Variants in POLN observed in about 807,000 individuals in gnomAD.
The protein encoded by POLN is DNA polymerase nu.
POLN carries 108 observed loss-of-function variants against 113.5 expected under a neutral mutation model. The observed-to-expected ratio is 0.95, with a 90% confidence interval of 0.81 to 1.12. The LOEUF (loss-of-function observed/expected upper bound fraction) is 1.12, where lower values mean the gene tolerates loss of function less well. Among genes scored for constraint, POLN ranks in the 50% most tolerant of loss-of-function variants. The pLI is 0.00. For missense variants in POLN, 1,097 were observed against 1,077.1 expected (o/e 1.02, Z -0.26); for synonymous variants, 386 against 391.5 (o/e 0.99, Z 0.17).
rs1487858922 is a variant in POLN, at chr4:2,129,259, G to A, written c.1790-3C>T. The A allele has an allele frequency of 6.4e-7, 1 of 1,574,602 alleles. No individual in the cohort carries two copies. Among genetic ancestry groups the A allele is most frequent in the African/African-American group, 1.4e-5 (1 of 73,910 alleles). ...CGTGAGAATCTTGTCTTCTTTACCTGAATTGTTATTTCAAGAGCATTTAGT... is the reference window on the plus strand; with the variant it reads ...CGTGAGAATCTTGTCTTCTTTACCTAAATTGTTATTTCAAGAGCATTTAGT... On this transcript the variant is annotated splice_region_variant and splice_polypyrimidine_tract_variant and intron_variant, in intron 17 of 25. Transcript: ENST00000511885.
intron 16 of POLN, among the ~76,000 whole-genome samples, chr4:2,142,323 C>CA (rs1732022832): frequency 6.6e-6 from 1 of 152,246 alleles, no homozygotes; most frequent in South Asian, 2.1e-4. Context: ...CCCTACTGGG[C>CA]AGGCAGTCTC....
At chr4:2,241,194 A>C (rs7694049) in intron 2 of POLN, 73,946 of 393,148 alleles carry the variant, frequency 0.19, 11,555 homozygotes, top group African/African-American at 0.54. Context: ...AGCGGGATAA[A>C]TGACAGGTAG....
intron 21 of POLN, among the ~76,000 whole-genome samples, chr4:2,085,341 G>C (rs945660074): frequency 1.3e-5 from 2 of 152,158 alleles, no homozygotes; most frequent in African/African-American, 4.8e-5. Context: ...TCCCTTTCCA[G>C]GTGCAGGCTT....
intron 6 of POLN, 90 bp downstream of exon 6, chr4:2,198,434 A>C (rs1733631859): frequency 8.4e-7 from 1 of 1,191,726 alleles, no homozygotes; most frequent in Non-Finnish European, 1.1e-6. Context: ...CTAAAAGTTT[A>C]AACTATTAAA....
At chr4:2,097,806 C>T (rs1013679205) in intron 19 of POLN, among the ~76,000 whole-genome samples, 2 of 152,328 alleles carry the variant, frequency 1.3e-5, no homozygotes, top group Admixed American at 6.5e-5. Flanking sequence ...CACCATACCC[C>T]ACCTGCCTTT....
intron 2 of POLN, chr4:2,238,685 A>G: frequency 6.2e-7 from 1 of 1,613,216 alleles, no homozygotes; most frequent in Non-Finnish European, 8.5e-7. Flanking sequence ...TAACATTTCT[A>G]ATTGCTTGTA....
chr4:2,211,149 C>T (rs1733982864), intron 4 of POLN, among the ~76,000 whole-genome samples: 1 of 148,130 alleles, frequency 6.8e-6, no homozygotes, highest in Non-Finnish European at 1.5e-5. Context: ...TACTCAGAGG[C>T]TGAGGCAGGA....
chr4:2,175,247 G>C (rs1035248693), intron 9 of POLN, among the ~76,000 whole-genome samples: 17 of 151,968 alleles, frequency 1.1e-4, no homozygotes, highest in Admixed American at 2.6e-4. Flanking sequence ...CCCTTAAGTA[G>C]GCTATTTTAT....
rs777471372 is a variant in POLN, at chr4:2,198,515, A to C, written c.908+9T>G. ...GTAGGGTGTGAGCCCATGTGTGAAG[A>C]TTTCTTACCGGGCAAATTGTTGATG... On this transcript the variant is annotated intron_variant, in intron 6 of 25. Transcript: ENST00000511885. 1 of 1,603,370 alleles carries C rather than the reference A, an allele frequency of 6.2e-7. No homozygotes were observed. Among genetic ancestry groups the C allele is most frequent in the South Asian group, 1.1e-5 (1 of 89,532 alleles).
At chr4:2,095,038 G>A (rs1376051865) in intron 20 of POLN, among the ~76,000 whole-genome samples, 2 of 152,204 alleles carry the variant, frequency 1.3e-5, no homozygotes, top group South Asian at 2.1e-4. Context: ...GGCTGGCTGG[G>A]GAAACTAGGC....
intron 7 of POLN, among the ~76,000 whole-genome samples, chr4:2,179,972 G>A (rs1027638995): frequency 1.3e-5 from 2 of 152,292 alleles, no homozygotes; most frequent in Non-Finnish European, 1.5e-5. Context: ...CGACACCCTC[G>A]TCACTGAGTG....
chr4:2,170,656 A>G, intron 13 of POLN, 23 bp downstream of exon 13: 2 of 1,593,936 alleles, frequency 1.3e-6, no homozygotes, highest in Non-Finnish European at 1.7e-6. Flanking sequence ...CTAAAAAGAA[A>G]AAGGATAACT....
At chr4:2,081,237 C>G (rs1429171919) in intron 22 of POLN, 13 of 1,513,740 alleles carry the variant, frequency 8.6e-6, no homozygotes, top group South Asian at 1.2e-5. Context: ...TGCAGGGCAC[C>G]TGGGTTTTGG....
chr4:2,129,100 C>T (rs1731657448), intron 18 of POLN, 79 bp downstream of exon 18: 2 of 901,160 alleles, frequency 2.2e-6, no homozygotes, highest in Non-Finnish European at 1.7e-6. Flanking sequence ...AGAATGAATT[C>T]CATAAGTACC....
intron 20 of POLN, among the ~76,000 whole-genome samples, chr4:2,091,804 C>CGT (rs1353548709): frequency 3.6e-5 from 5 of 139,834 alleles, no homozygotes; most frequent in Non-Finnish European, 7.6e-5. Context: ...TGTGTGTGCG[C>CGT]GCGCTACAAT....
chr4:2,160,582 A>T (rs1732555800), intron 13 of POLN, among the ~76,000 whole-genome samples: 1 of 151,794 alleles, frequency 6.6e-6, no homozygotes, highest in Non-Finnish European at 1.5e-5. Flanking sequence ...TAATTTTTTA[A>T]ATTTTTGGCA....
intron 13 of POLN, among the ~76,000 whole-genome samples, chr4:2,166,390 A>G (rs1732728828): frequency 6.6e-6 from 1 of 152,136 alleles, no homozygotes; most frequent in Non-Finnish European, 1.5e-5. Context: ...CTCAGTCTGG[A>G]GTGTGTCACT....
At chr4:2,085,829 G>A in intron 20 of POLN, 85 bp from the exon 21 acceptor site, 1 of 1,563,544 alleles carries the variant, frequency 6.4e-7, no homozygotes, top group South Asian at 1.2e-5. Context: ...GGTCCAGCTG[G>A]CAGCACTGGT....
intron 19 of POLN, among the ~76,000 whole-genome samples, chr4:2,099,880 C>A (rs1416666515): frequency 6.6e-6 from 1 of 151,786 alleles, no homozygotes; most frequent in Non-Finnish European, 1.5e-5. Context: ...CCAGCCTGGG[C>A]AACATGATGA....
Sources: gnomAD v4.1 joint callset for allele counts (sites outside exome capture counted in the v4.1 genomes callset) on GRCh38, gnomAD v4.1.1 for gene constraint, MANE v1.5 for transcripts, NCBI Gene and HGNC (gene_info 2026-07-23, HGNC 2026-07-21) for gene names.